Variants in MDM4 observed in about 807,000 individuals in gnomAD.
MDM4 encodes the protein MDM4 regulator of p53.
In MDM4, 2 loss-of-function variants were observed where a neutral mutation model predicts 60.2. That is an observed-to-expected ratio of 0.03 (90% confidence interval 0.01 to 0.10). The LOEUF (loss-of-function observed/expected upper bound fraction) is 0.10, where lower values mean the gene tolerates loss of function less well. Ranked by LOEUF, MDM4 falls within the 10% of genes least tolerant of loss-of-function variation. The pLI is 1.00. For synonymous variants in MDM4, 202 were observed against 198.1 expected (o/e 1.02, Z -0.17); for missense variants, 447 against 577.5 (o/e 0.77, Z 2.32).
intron 8 of MDM4, 55 bp from the exon 9 acceptor site, chr1:204,544,480 A>G: frequency 4.5e-6 from 7 of 1,542,918 alleles, no homozygotes; most frequent in Middle Eastern, 4.5e-4. Flanking sequence ...TGTTGTTTCA[A>G]CATCTCTGAT....
At chr1:204,527,284 G>T (rs1399951943) in intron 3 of MDM4, among the ~76,000 whole-genome samples, 5 of 152,032 alleles carry the variant, frequency 3.3e-5, no homozygotes, top group African/African-American at 1.2e-4. Context: ...TAGAATGAGA[G>T]ACCCTGTCTC....
Position 204,550,316 on chromosome 1 carries a change from G to C in MDM4, c.*634G>C, listed in dbSNP as rs1295427208. 1 of 226,192 alleles carries C rather than the reference G, an allele frequency of 4.4e-6. No homozygotes were observed. The highest frequency in any genetic ancestry group is 1.8e-4 in the South Asian group (1 of 5,470). The allele number at this position is 226,192 out of a possible 1,614,324, so 14.0% of individuals were successfully genotyped here. A position where few individuals can be genotyped will look rare whatever the true frequency, so the allele number is the denominator to read the frequency against. ...AGCCTCCTGAGTAGCTGAGACTATA[G>C]ACTAGCATAACCACACTGGCTAATT... On this transcript the variant is annotated 3_prime_UTR_variant, in exon 11 of 11. Coordinates refer to ENST00000367182, the MANE Select transcript of MDM4 (RefSeq NM_002393.5).
At chr1:204,538,036 A>G in intron 6 of MDM4, 173 bp from the exon 7 acceptor site, 1 of 770,922 alleles carries the variant, frequency 1.3e-6, no homozygotes, top group Non-Finnish European at 2.4e-6. Context: ...CTTTGCTCAC[A>G]GTGGGTTGAG....
chr1:204,557,310 G>C lies in MDM4; in HGVS notation c.*7628G>C, dbSNP rs1043700854. The C allele has an allele frequency of 5.3e-6, 1 of 188,250 alleles. No homozygotes were observed. The highest frequency in any genetic ancestry group is 1.1e-5 in the Non-Finnish European group (1 of 89,440). 11.7% of individuals were successfully genotyped at this position (188,250 alleles called of 1,614,324 possible). ...TGATATGAGGCTCTTGACCAGAAAA[G>C]AGTTCTTTCTCTAGGTGTTCTGAGA... On this transcript the variant is annotated 3_prime_UTR_variant, in exon 11 of 11. Coordinates refer to ENST00000367182, the MANE Select transcript of MDM4 (RefSeq NM_002393.5).
At position 204,532,197 on chromosome 1, in the gene MDM4, C is replaced by G; in HGVS notation, c.294C>G (p.Leu98=). The G allele has an allele frequency of 6.3e-7, 1 of 1,595,768 alleles. No homozygotes were observed. The highest frequency in any genetic ancestry group is 8.6e-7 in the Non-Finnish European group (1 of 1,164,100). Residue 98 remains leucine, a synonymous_variant, in exon 5 of 11, where the codon CTC becomes CTG. Coordinates refer to ENST00000367182, the MANE Select transcript of MDM4 (RefSeq NM_002393.5). ...QSFSVKDPSP[L]YDMLRKNLVT... is the part of the protein sequence containing the mutation. ...TATCTTCTCTCTTTAACAGCCCTCT[C>G]TATGATATGCTAAGAAAGAATCTTG...
chr1:204,539,384 T>C (rs1263476917), intron 7 of MDM4, among the ~76,000 whole-genome samples: 1 of 152,224 alleles, frequency 6.6e-6, no homozygotes. Flanking sequence ...TTGAGCACTC[T>C]AAATTTGAAA....
Position 204,548,112 on chromosome 1 carries a change from A to G in MDM4, c.904-1001A>G, listed in dbSNP as rs1250975977. Among the ~76,000 whole-genome samples the G allele has an allele frequency of 3.9e-5, 6 of 152,254 alleles. 1 individual carries two copies. The highest frequency in any genetic ancestry group is 1.3e-4 in the Admixed American group (2 of 15,286). ...TGTATTTCATCATATCAAAGATGCC[A>G]TTGAATTTAATAAGCCCTATTATTT... is the stretch of plus-strand genomic sequence containing the variant. On this transcript the variant is annotated intron_variant, in intron 10 of 10. Coordinates refer to ENST00000367182, the MANE Select transcript of MDM4 (RefSeq NM_002393.5).
At position 204,544,688 on chromosome 1, in the gene MDM4, T is replaced by C; in HGVS notation, c.822+4T>C. ...AGGGAAAGTAAGTGACAAAAAGGTA[T>C]GTTGTGGAAAAATTCCATGTTGATT... is the stretch of plus-strand genomic sequence containing the variant. On this transcript the variant is annotated splice_donor_region_variant and intron_variant, in intron 9 of 10. Transcript: ENST00000367182. The C allele has an allele frequency of 6.2e-7, 1 of 1,607,594 alleles. No individual in the cohort carries two copies. Among genetic ancestry groups the C allele is most frequent in the East Asian group, 2.2e-5 (1 of 44,662 alleles).
rs1274426184 is a variant in MDM4 at position 204,557,250 on chromosome 1, T to C, written c.*7568T>C. On this transcript the variant is annotated 3_prime_UTR_variant, in exon 11 of 11. Transcript: ENST00000367182. ...GAGCCTGTTTGATTACTGCAGGCCC[T>C]TTTACCCATGCTTCTAGTTTAGGTA... The C allele has an allele frequency of 1.0e-5, 2 of 192,114 alleles. No homozygotes were observed. The highest frequency in any genetic ancestry group is 2.3e-5 in the African/African-American group (1 of 42,964). 11.9% of individuals were successfully genotyped at this position (192,114 alleles called of 1,614,324 possible).
rs60954516 is a variant in MDM4 at position 204,523,473 on chromosome 1, ATTTTTTTT to A, written c.-35-1990_-35-1983del. Reference sequence around the variant, plus strand: ...CAGAGCGAGACTCCACCTAAAAAAAATTTTTTTTTTTTTTTTTTTTTTTTTTTTGCGAC... The same window carrying A: ...CAGAGCGAGACTCCACCTAAAAAAAATTTTTTTTTTTTTTTTTTTTGCGAC... On this transcript the variant is annotated intron_variant, in intron 1 of 10. Coordinates refer to ENST00000367182, the MANE Select transcript of MDM4 (RefSeq NM_002393.5). 1.6e-3 allele frequency among the ~76,000 whole-genome samples: 92 copies of A among 58,968 alleles called. 1 individual carries two copies. The highest frequency in any genetic ancestry group is 0.013 in the Admixed American group (48 of 3,834). 38.7% of individuals were successfully genotyped at this position (58,968 alleles called of 152,430 possible).
rs1013076373 is a variant in MDM4 at position 204,556,108 on chromosome 1, C to A, written c.*6426C>A. 1 of 221,194 alleles carries A rather than the reference C, an allele frequency of 4.5e-6. No homozygotes were observed. Among genetic ancestry groups the A allele is most frequent in the South Asian group, 1.8e-4 (1 of 5,434 alleles). The allele number at this position is 221,194 out of a possible 1,614,324, so 13.7% of individuals were successfully genotyped here. A position where few individuals can be genotyped will look rare whatever the true frequency, so the allele number is the denominator to read the frequency against. On this transcript the variant is annotated 3_prime_UTR_variant, in exon 11 of 11. Coordinates refer to ENST00000367182, the MANE Select transcript of MDM4 (RefSeq NM_002393.5). The stretch of plus-strand genomic sequence containing the variant: ...TCTGGTCTCCCTTAAGAAAAAAAAA[C>A]CCTTCCACCTTTACTGTGTCATTTA...
rs1436586294 is a variant in MDM4 at position 204,525,563 on chromosome 1, T to C, written c.45T>C (p.Ser15=). ...CTGCTCAGTGTTCAACATCTGACAG[T>C]GCTTGCAGGATCTCTCCTGGACAAA... ...STSAQCSTSD[S]ACRISPGQIN... is the part of the protein sequence containing the mutation. The change falls in exon 2 of 11, where the codon AGT becomes AGC. Residue 15 remains serine, a synonymous_variant. Transcript: ENST00000367182. The C allele has an allele frequency of 6.2e-7, 1 of 1,611,270 alleles. No homozygotes were observed. The highest frequency in any genetic ancestry group is 8.5e-7 in the Non-Finnish European group (1 of 1,178,642).
chr1:204,525,586 A>T lies in MDM4; in HGVS notation c.68A>T (p.Gln23Leu), dbSNP rs369657471. The change falls in exon 2 of 11, where the codon CAA (glutamine) becomes CTA (leucine). Residue 23 changes from glutamine (Q) to leucine (L), a missense_variant. This residue lies in a region of MDM4 where 33 missense variants were observed against 28.8 expected (regional missense o/e 1.15). Coordinates refer to ENST00000367182, the MANE Select transcript of MDM4 (RefSeq NM_002393.5). ...AGTGCTTGCAGGATCTCTCCTGGAC[A>T]AATCAATCAGGTAAATCATTTTCGG... is the stretch of plus-strand genomic sequence containing the variant. ...SDSACRISPG[Q>L]INQVRPKLPL... is the part of the protein sequence containing the mutation. 2.5e-6 allele frequency: 4 copies of T among 1,585,002 alleles called. No individual in the cohort carries two copies. The African/African-American group carries it at 5.4e-5, about 22-fold the overall frequency.
intron 9 of MDM4, among the ~76,000 whole-genome samples, chr1:204,546,368 ATTT>A (rs1007772977): frequency 6.6e-6 from 1 of 151,700 alleles, no homozygotes; most frequent in Non-Finnish European, 1.5e-5. Flanking sequence ...CACCTGGCTA[ATTT>A]TTTTTATTTT....
intron 3 of MDM4, among the ~76,000 whole-genome samples, chr1:204,528,228 A>G (rs4252688): frequency 0.034 from 5,155 of 152,298 alleles, 152 homozygotes; most frequent in Middle Eastern, 0.068. Context: ...AGAGCGTGGC[A>G]GGCAAGTGAG....
chr1:204,539,598 G>A (rs1230320204), intron 7 of MDM4, among the ~76,000 whole-genome samples: 5 of 146,172 alleles, frequency 3.4e-5, no homozygotes, highest in Non-Finnish European at 7.5e-5. Context: ...CAGTGGCACA[G>A]TCTCAGCTCA....
At position 204,552,439 on chromosome 1, in the gene MDM4, C is replaced by T. The variant is rs184076348; in HGVS notation, c.*2757C>T. 6.7e-6 allele frequency: 1 copy of T among 148,882 alleles called. No individual in the cohort carries two copies. Among genetic ancestry groups the T allele is most frequent in the East Asian group, 2.1e-4 (1 of 4,826 alleles). The allele number at this position is 148,882 out of a possible 1,614,324, so 9.2% of individuals were successfully genotyped here. A position where few individuals can be genotyped will look rare whatever the true frequency, so the allele number is the denominator to read the frequency against. On this transcript the variant is annotated 3_prime_UTR_variant, in exon 11 of 11. Coordinates refer to ENST00000367182, the MANE Select transcript of MDM4 (RefSeq NM_002393.5). The stretch of plus-strand genomic sequence containing the variant: ...CCGGGTTCAGGTGATTCTCCTGCCT[C>T]AGCCTCCCAGATAGCTGGGACTACA...
intron 1 of MDM4, among the ~76,000 whole-genome samples, chr1:204,517,609 C>A (rs528894683): frequency 4.5e-4 from 69 of 152,078 alleles, no homozygotes; most frequent in African/African-American, 1.6e-3. Context: ...ACCAGGTTGG[C>A]CAGGCTGTTC....
intron 1 of MDM4, among the ~76,000 whole-genome samples, chr1:204,524,241 A>G (rs150491865): frequency 3.9e-4 from 59 of 152,288 alleles, no homozygotes; most frequent in African/African-American, 1.4e-3. Flanking sequence ...GTACTTAACA[A>G]TTTACAGGCT....
Sources: gnomAD v4.1 joint callset for allele counts (sites outside exome capture counted in the v4.1 genomes callset) on GRCh38, gnomAD v4.1.1 for gene constraint, gnomAD v4.1.1 regional missense constraint, MANE v1.5 for transcripts, NCBI Gene and HGNC (gene_info 2026-07-23, HGNC 2026-07-21) for gene names.